PARVB: variants seen among roughly 807,000 people sequenced by gnomAD.
The protein encoded by PARVB is parvin beta.
A neutral mutation model predicts 47.0 loss-of-function variants in PARVB; 46 were observed. The observed-to-expected ratio is 0.98, with a 90% CI of 0.77 to 1.25. The LOEUF (loss-of-function observed/expected upper bound fraction) is 1.25. Among genes scored for constraint, PARVB ranks in the 50% most tolerant of loss-of-function variants. The probability of loss-of-function intolerance (pLI) is 0.00; values close to 1 mark genes in which losing one functional copy is unlikely to be tolerated. For missense variants in PARVB, 473 were observed against 471.6 expected (o/e 1.00, Z -0.03); for synonymous variants, 196 against 196.3 (o/e 1.00, Z 0.01).
intron 1 of PARVB, among the ~76,000 whole-genome samples, chr22:44,036,758 AG>A (rs2050929962): frequency 6.6e-6 from 1 of 152,274 alleles, no homozygotes; most frequent in East Asian, 1.9e-4. Context: ...ACTTGAGCTC[AG>A]GAGTTCAAGA....
intron 3 of PARVB, among the ~76,000 whole-genome samples, chr22:44,101,617 G>C (rs900251894): frequency 1.3e-5 from 2 of 151,732 alleles, no homozygotes; most frequent in African/African-American, 2.4e-5. Context: ...CGGGCATGGT[G>C]GTGGGTGCCT....
intron 2 of PARVB, among the ~76,000 whole-genome samples, chr22:44,005,059 C>A (rs2050450282): frequency 6.6e-6 from 1 of 152,120 alleles, no homozygotes; most frequent in Admixed American, 6.5e-5. Context: ...GGGAAAAATA[C>A]AACAGCTCTT....
At position 44,148,143 on chromosome 22, in the gene PARVB, G is replaced by T. The variant is rs575354728; in HGVS notation, c.774+221G>T. On this transcript the variant is annotated intron_variant, in intron 9 of 12. Coordinates refer to ENST00000338758, the MANE Select transcript of PARVB (RefSeq NM_013327.5). The stretch of plus-strand genomic sequence containing the variant: ...TCCCTGGGTGTCTTCCTGCCCGCCC[G>T]CTCCGCTTCTGTTAAGTGAATTACC... 5 of 575,160 alleles carry T rather than the reference G, an allele frequency of 8.7e-6. No individual in the cohort carries two copies. The Admixed American group carries it at 1.4e-4, about 17-fold the overall frequency. The allele number at this position is 575,160 out of a possible 1,614,324, so 35.6% of individuals were successfully genotyped here.
At chr22:44,072,078 T>C (rs538329323) in intron 1 of PARVB, among the ~76,000 whole-genome samples, 12 of 152,194 alleles carry the variant, frequency 7.9e-5, no homozygotes, top group Non-Finnish European at 1.6e-4. Context: ...ACGTCTGTCG[T>C]TGGGTGGAAA....
At chr22:44,133,181 C>T (rs1055927489) in intron 6 of PARVB, among the ~76,000 whole-genome samples, 172 bp downstream of exon 6, 8 of 151,824 alleles carry the variant, frequency 5.3e-5, no homozygotes, top group South Asian at 2.1e-4. Flanking sequence ...ATGATTGGAA[C>T]GGGAACAATG....
At chr22:44,074,335 C>A (rs6006637) in intron 1 of PARVB, among the ~76,000 whole-genome samples, 2,203 of 152,352 alleles carry the variant, frequency 0.014, 54 homozygotes, top group African/African-American at 0.05. Flanking sequence ...AGTACCATGT[C>A]TCCTGGGCTC....
upstream of PARVB, among the ~76,000 whole-genome samples, chr22:44,020,081 G>C (rs891726541): frequency 2.0e-5 from 3 of 152,114 alleles, no homozygotes; most frequent in African/African-American, 7.2e-5. Flanking sequence ...GCGCCAGCTG[G>C]GTGTCCCCCA....
chr22:44,148,379 T>A (rs961390807), intron 9 of PARVB: 2 of 206,162 alleles, frequency 9.7e-6, no homozygotes, highest in Non-Finnish European at 2.0e-5. Context: ...AGCCTGCTGG[T>A]CAATCTGTGG....
chr22:44,165,916 G>A (rs1447004262), intron 12 of PARVB, among the ~76,000 whole-genome samples: 2 of 152,208 alleles, frequency 1.3e-5, no homozygotes, highest in Non-Finnish European at 2.9e-5. Flanking sequence ...CTGGTGGGTC[G>A]CACACTGTCA....
At chr22:44,043,369 C>CTGAT (rs1555895232) in intron 1 of PARVB, among the ~76,000 whole-genome samples, 3 of 151,656 alleles carry the variant, frequency 2.0e-5, no homozygotes, top group East Asian at 1.9e-4. Flanking sequence ...GAATTGTACA[C>CTGAT]TTATTTATTT....
intron 1 of PARVB, among the ~76,000 whole-genome samples, chr22:44,030,492 C>G (rs1477531529): frequency 6.6e-6 from 1 of 152,146 alleles, no homozygotes; most frequent in African/African-American, 2.4e-5. Flanking sequence ...CCTGGCGTCC[C>G]ACAAACACAG....
At chr22:44,111,803 G>A (rs2052705066) in intron 3 of PARVB, 1 of 151,824 alleles carries the variant, frequency 6.6e-6, no homozygotes, top group Admixed American at 6.6e-5. Flanking sequence ...AATATTATGA[G>A]TAGTCACTTA....
At position 44,093,999 on chromosome 22, in the gene PARVB, C is replaced by A; in HGVS notation, c.184C>A (p.Pro62Thr). 1 of 1,608,966 alleles carries A rather than the reference C, an allele frequency of 6.2e-7. No homozygotes were observed. Among genetic ancestry groups the A allele is most frequent in the Non-Finnish European group, 8.5e-7 (1 of 1,175,498 alleles). ...GTCCCCCGCCCTGGTGGATGTTCAC[C>A]CTGAAGACACCCAGCTTGGTACGGG... ...PMSPALVDVHPEDTQLEENEE... is the reference protein window; with the variant it reads ...PMSPALVDVHTEDTQLEENEE... The change falls in exon 2 of 13, where the codon CCT (proline) becomes ACT (threonine). Residue 62 changes from proline to threonine, a missense_variant. Physicochemically the swap from Pro to Thr is conservative, Grantham distance 38. Coordinates refer to ENST00000338758, the MANE Select transcript of PARVB (RefSeq NM_013327.5).
chr22:44,168,411 C>T, intron 12 of PARVB, 191 bp from the exon 13 acceptor site: 5 of 567,526 alleles, frequency 8.8e-6, no homozygotes, highest in East Asian at 3.0e-5. Flanking sequence ...GCCAGGAGCT[C>T]TCACAAAACC....
intron 3 of PARVB, among the ~76,000 whole-genome samples, chr22:44,100,540 C>A (rs1485574064): frequency 6.6e-6 from 1 of 152,142 alleles, no homozygotes; most frequent in Non-Finnish European, 1.5e-5. Flanking sequence ...TGGCCAGGAG[C>A]CATCTGATGC....
intron 3 of PARVB, chr22:44,111,078 A>G (rs1176770306): frequency 6.6e-6 from 1 of 150,560 alleles, no homozygotes; most frequent in Admixed American, 6.6e-5. Context: ...TTTTCCATGT[A>G]TGTCCCTTCA....
chr22:44,021,297 C>T (rs1278431432), upstream of PARVB, among the ~76,000 whole-genome samples: 1 of 152,146 alleles, frequency 6.6e-6, no homozygotes, highest in Non-Finnish European at 1.5e-5. Flanking sequence ...TCAGACAAGG[C>T]AGGTCAGAGA....
chr22:44,145,274 G>C (rs2053639337), intron 8 of PARVB: 1 of 152,288 alleles, frequency 6.6e-6, no homozygotes, highest in Admixed American at 6.5e-5. Context: ...CCCAGTCATG[G>C]GGTGTGAAGT....
intron 2 of PARVB, chr22:44,009,573 C>CTA (rs1045099908): frequency 6.6e-5 from 10 of 150,470 alleles, no homozygotes; most frequent in East Asian, 2.0e-4. Flanking sequence ...ATGTAAAAAC[C>CTA]TATATATATA....
Sources: allele counts gnomAD v4.1 joint callset (sites outside exome capture counted in the v4.1 genomes callset), GRCh38; gene constraint gnomAD v4.1.1; transcripts MANE v1.5; gene names NCBI Gene and HGNC (gene_info 2026-07-23, HGNC 2026-07-21).